The following FGF13 variants were observed in gnomAD, a reference collection of about 807,000 sequenced individuals.
FGF13 encodes the protein fibroblast growth factor 13.
In FGF13, 2 loss-of-function variants were observed where a neutral mutation model predicts 19.5. That is an observed-to-expected ratio of 0.10 (90% CI 0.04 to 0.32). The LOEUF (loss-of-function observed/expected upper bound fraction) is 0.32. Ranked by LOEUF, FGF13 falls within the 10% of genes least tolerant of loss-of-function variation. The pLI is 1.00. For missense variants in FGF13, 113 were observed against 192.7 expected, an observed-to-expected ratio of 0.59 and a Z score of 2.45; for synonymous variants, 72 against 76.9, an observed-to-expected ratio of 0.94 and a Z score of 0.33.
chrX:138,675,233 T>C (rs1380313444), intron 3 of FGF13, among the ~76,000 whole-genome samples: 2 of 112,241 alleles, frequency 1.8e-5, no homozygotes, highest in Non-Finnish European at 3.8e-5. Flanking sequence ...TTCTTCCCAA[T>C]GAAGCAAGCT....
chrX:139,017,105 C>CAT (rs2092157057), intron 1 of FGF13, among the ~76,000 whole-genome samples: 1 of 107,782 alleles, frequency 9.3e-6, no homozygotes, highest in Non-Finnish European at 1.9e-5. Context: ...TACACACACA[C>CAT]ATATATGTAA....
rs2089081267 is a variant in FGF13 at position 138,628,011 on chromosome X, T to C, written c.*4839A>G. Reference sequence around the variant, plus strand: ...TGTGCAACAAATTCAAACCAACCTCTAAAGAGTAACAGTGTTTAAAGATTA... The same window carrying C: ...TGTGCAACAAATTCAAACCAACCTCCAAAGAGTAACAGTGTTTAAAGATTA... On this transcript the variant is annotated 3_prime_UTR_variant, in exon 5 of 5. Transcript: ENST00000315930. 8.9e-6 allele frequency: 1 copy of C among 111,951 alleles called. No homozygotes were observed. The highest frequency in any genetic ancestry group is 3.2e-5 in the African/African-American group (1 of 30,777). 9.2% of individuals were successfully genotyped at this position (111,951 alleles called of 1,213,427 possible).
At chrX:139,154,379 T>C (rs755012366) in intron 1 of FGF13, among the ~76,000 whole-genome samples, 1 of 111,763 alleles carries the variant, frequency 8.9e-6, no homozygotes, top group Admixed American at 9.5e-5. Context: ...GATGAAGCGA[T>C]GGATTGACCA....
At chrX:139,118,596 G>A (rs949317757) in intron 1 of FGF13, among the ~76,000 whole-genome samples, 2 of 111,357 alleles carry the variant, frequency 1.8e-5, no homozygotes, top group African/African-American at 6.5e-5. Flanking sequence ...TATCACTAGA[G>A]AAATTAAAAA....
At chrX:139,063,116 C>A (rs981027602) in intron 1 of FGF13, among the ~76,000 whole-genome samples, 3 of 111,830 alleles carry the variant, frequency 2.7e-5, no homozygotes, top group Non-Finnish European at 5.7e-5. Flanking sequence ...CTTGCAGAAA[C>A]AACTTAAAAC....
intron 2 of FGF13, among the ~76,000 whole-genome samples, chrX:138,703,425 G>A (rs760248571): frequency 8.9e-6 from 1 of 111,994 alleles, no homozygotes; most frequent in African/African-American, 3.2e-5. Flanking sequence ...TGTTGGAGGT[G>A]GGGAATCTTG....
intron 1 of FGF13, among the ~76,000 whole-genome samples, chrX:138,908,385 C>CT (rs1168698905): frequency 0.056 from 5,192 of 93,177 alleles, 134 homozygotes; most frequent in Non-Finnish European, 0.082. Flanking sequence ...CCATCATTTT[C>CT]TTTTTTTTTT....
At chrX:138,854,710 A>T (rs773819718), downstream of FGF13, among the ~76,000 whole-genome samples, 23 of 111,767 alleles carry the variant, frequency 2.1e-4, no homozygotes, top group South Asian at 7.4e-4. Context: ...AGGCTTAAAA[A>T]TTTTTTTTTA....
intron 3 of FGF13, among the ~76,000 whole-genome samples, chrX:138,769,588 C>T (rs1006945888): frequency 8.9e-6 from 1 of 112,016 alleles, no homozygotes; most frequent in Non-Finnish European, 1.9e-5. Flanking sequence ...GTAAAGTTAG[C>T]GCTTGATACA....
rs1350740991 is a variant in FGF13, at chrX:138,628,357, C to T, written c.*4493G>A. ...TAATTGGAAATGGTCATCTATTATA[C>T]CACTGCCATATCCCTGTACAGATTT... On this transcript the variant is annotated 3_prime_UTR_variant, in exon 5 of 5. Transcript: ENST00000315930. 8.9e-6 allele frequency: 1 copy of T among 112,123 alleles called. No individual in the cohort carries two copies. Among genetic ancestry groups the T allele is most frequent in the Non-Finnish European group, 1.9e-5 (1 of 53,258 alleles). 9.2% of individuals were successfully genotyped at this position (112,123 alleles called of 1,213,427 possible).
upstream of FGF13, among the ~76,000 whole-genome samples, chrX:138,743,339 C>G (rs1175048288): frequency 1.8e-5 from 2 of 111,715 alleles, no homozygotes; most frequent in Non-Finnish European, 3.8e-5. Context: ...AAAGGCAAAA[C>G]TATGGAGGCA....
At chrX:139,060,828 T>TG (rs1159191282) in intron 1 of FGF13, among the ~76,000 whole-genome samples, 11 of 109,230 alleles carry the variant, frequency 1.0e-4, no homozygotes, top group Non-Finnish European at 2.1e-4. Flanking sequence ...ACTTTTTCTG[T>TG]TTTTTTTTCT....
intron 3 of FGF13, among the ~76,000 whole-genome samples, chrX:138,805,646 G>A (rs2090860935): frequency 9.0e-6 from 1 of 111,555 alleles, no homozygotes; most frequent in South Asian, 3.8e-4. Flanking sequence ...TAAATTTTAG[G>A]ATATAACCAA....
intron 1 of FGF13, among the ~76,000 whole-genome samples, chrX:138,911,024 C>A (rs1034784557): frequency 9.0e-6 from 1 of 110,966 alleles, no homozygotes; most frequent in Non-Finnish European, 1.9e-5. Context: ...AAGGCCCCAG[C>A]ACTAAGGATT....
At chrX:139,023,356 T>C (rs777787953) in intron 1 of FGF13, among the ~76,000 whole-genome samples, 1 of 111,456 alleles carries the variant, frequency 9.0e-6, no homozygotes, top group African/African-American at 3.2e-5. Flanking sequence ...TTCTTTAGAA[T>C]TTTTCAGCCA....
intron 1 of FGF13, among the ~76,000 whole-genome samples, chrX:138,971,858 G>T (rs760980425): frequency 1.3e-3 from 146 of 111,517 alleles, no homozygotes; most frequent in African/African-American, 4.7e-3. Context: ...CTCCCCAGTA[G>T]TGGTTACCCA....
chrX:138,838,608 G>C (rs148295556), intron 3 of FGF13, among the ~76,000 whole-genome samples: 1 of 111,831 alleles, frequency 8.9e-6, no homozygotes, highest in African/African-American at 3.3e-5. Flanking sequence ...TGTTTCCTTC[G>C]TTAGTCCCAA....
intron 1 of FGF13, among the ~76,000 whole-genome samples, chrX:139,181,003 C>T (rs1184263510): frequency 1.8e-5 from 2 of 112,065 alleles, no homozygotes; most frequent in African/African-American, 3.2e-5. Context: ...TGCCTCTTAA[C>T]GGCATTTGGA....
intron 1 of FGF13, among the ~76,000 whole-genome samples, chrX:138,721,766 G>A (rs2090149071): frequency 9.2e-6 from 1 of 108,785 alleles, no homozygotes; most frequent in African/African-American, 3.3e-5. Context: ...TTTTATGAAT[G>A]GCATACAAAA....
Sources: gnomAD v4.1 joint callset for allele counts (sites outside exome capture counted in the v4.1 genomes callset) on GRCh38, gnomAD v4.1.1 for gene constraint, MANE v1.5 for transcripts, NCBI Gene and HGNC (gene_info 2026-07-23, HGNC 2026-07-21) for gene names.